The following MSI2 variants were observed in gnomAD, a reference collection of about 807,000 sequenced individuals.
The protein encoded by MSI2 is musashi RNA binding protein 2.
In MSI2, 17 loss-of-function variants were observed where a neutral mutation model predicts 45.6. That is an observed-to-expected ratio of 0.37 (90% CI 0.26 to 0.56). The LOEUF (loss-of-function observed/expected upper bound fraction) is 0.56, where lower values mean the gene tolerates loss of function less well. MSI2 is among the 20% of genes least tolerant of loss of function. The pLI is 0.77. For missense variants in MSI2, 293 were observed against 444.2 expected (o/e 0.66, Z 3.06); for synonymous variants, 156 against 158.2 (o/e 0.99, Z 0.11).
At chr17:57,566,828 G>C (rs2087744535) in intron 7 of MSI2, among the ~76,000 whole-genome samples, 1 of 152,050 alleles carries the variant, frequency 6.6e-6, no homozygotes, top group Non-Finnish European at 1.5e-5. Context: ...GGCGCACCAA[G>C]GGCCTCGTAC....
chr17:57,691,114 CTATT>C, the MSI2 span, among the ~76,000 whole-genome samples: 3 of 152,074 alleles, frequency 2.0e-5, no homozygotes, highest in African/African-American at 4.8e-5. Flanking sequence ...AATCAGTTGA[CTATT>C]TGTGTGGGTC....
chr17:57,631,986 C>A, intron 10 of MSI2: 1 of 1,432,132 alleles, frequency 7.0e-7, no homozygotes, highest in Non-Finnish European at 9.1e-7. Context: ...ATTTTTAATT[C>A]TTGGACTCAT....
intron 6 of MSI2, among the ~76,000 whole-genome samples, chr17:57,526,298 A>G (rs545288033): frequency 6.6e-6 from 1 of 150,528 alleles, no homozygotes; most frequent in Non-Finnish European, 1.5e-5. Flanking sequence ...AGCATCTTGA[A>G]TGAGGCCTGG....
At chr17:57,594,479 AC>A (rs1375951221) in intron 7 of MSI2, among the ~76,000 whole-genome samples, 3 of 152,194 alleles carry the variant, frequency 2.0e-5, no homozygotes, top group African/African-American at 7.2e-5. Flanking sequence ...CCCTCAGGAA[AC>A]TGAAAGTGCT....
chr17:57,571,937 A>G (rs2087889352), intron 7 of MSI2, among the ~76,000 whole-genome samples: 1 of 152,014 alleles, frequency 6.6e-6, no homozygotes, highest in African/African-American at 2.4e-5. Context: ...TGTCCTCTCA[A>G]TCCCACCTAC....
chr17:57,417,357 G>A (rs1376369590), intron 6 of MSI2, among the ~76,000 whole-genome samples: 1 of 152,166 alleles, frequency 6.6e-6, no homozygotes, highest in Non-Finnish European at 1.5e-5. Flanking sequence ...ACCACATGGA[G>A]AGGGCTCACT....
chr17:57,256,716 G>T lies in MSI2; in HGVS notation c.-27G>T. 2 of 713,900 alleles carry T rather than the reference G, an allele frequency of 2.8e-6. No individual in the cohort carries two copies. The highest frequency in any genetic ancestry group is 3.9e-6 in the Non-Finnish European group (2 of 511,476). The allele number at this position is 713,900 out of a possible 1,614,324, so 44.2% of individuals were successfully genotyped here. The stretch of plus-strand genomic sequence containing the variant: ...GATCGCTGTGGGGCTTGGTTTTTTG[G>T]GGGTGGGGGGGCGGGGGGGCTCAGA... On this transcript the variant is annotated 5_prime_UTR_variant, in exon 1 of 14. Transcript: ENST00000284073.
intron 5 of MSI2, among the ~76,000 whole-genome samples, chr17:57,389,353 T>C (rs572455959): frequency 1.5e-4 from 23 of 152,322 alleles, no homozygotes; most frequent in African/African-American, 4.8e-4. Flanking sequence ...AGCCTTCCCG[T>C]TGGGCCTGGC....
rs1470127901 is a variant in MSI2, at chr17:57,682,796, G to A, written c.*3279G>A. The A allele has an allele frequency of 1.8e-5, 4 of 223,822 alleles. No homozygotes were observed. The highest frequency in any genetic ancestry group is 6.7e-5 in the African/African-American group (3 of 44,752). The allele number at this position is 223,822 out of a possible 1,614,324, so 13.9% of individuals were successfully genotyped here. ...TCCCCGGAATTATCAAACAGCCACC[G>A]GGTGACTTTCTGGCTTCCAGATCCA... On this transcript the variant is annotated 3_prime_UTR_variant, in exon 14 of 14. Coordinates refer to ENST00000284073, the MANE Select transcript of MSI2 (RefSeq NM_138962.4).
intron 6 of MSI2, among the ~76,000 whole-genome samples, chr17:57,467,301 G>T (rs2085346193): frequency 6.6e-6 from 1 of 152,168 alleles, no homozygotes; most frequent in Non-Finnish European, 1.5e-5. Flanking sequence ...CCTGGGATAT[G>T]GTGCATTCTT....
chr17:57,684,790 C>A, downstream of MSI2: 1 of 152,380 alleles, frequency 6.6e-6, no homozygotes, highest in Non-Finnish European at 1.5e-5. Flanking sequence ...ACCTGCCACC[C>A]TCACCCCTCA....
rs928386914 is a variant in MSI2, at chr17:57,385,121, C to T, written c.313-16258C>T. ...TGAACTATTATGATAAGCTCCTAACCGTTCTTACAGGCTCTATTTTCAACC... is the reference window on the plus strand; with the variant it reads ...TGAACTATTATGATAAGCTCCTAACTGTTCTTACAGGCTCTATTTTCAACC... On this transcript the variant is annotated intron_variant, in intron 5 of 13. Coordinates refer to ENST00000284073, the MANE Select transcript of MSI2 (RefSeq NM_138962.4). 3.3e-5 allele frequency among the ~76,000 whole-genome samples: 5 copies of T among 152,142 alleles called. No homozygotes were observed. In the South Asian group the frequency reaches 6.2e-4, roughly 19 times the overall value.
chr17:57,257,394 A>T (rs926692574), intron 2 of MSI2, 72 bp from the exon 3 acceptor site: 2 of 947,698 alleles, frequency 2.1e-6, no homozygotes, highest in Non-Finnish European at 3.2e-6. Context: ...TTTGTCCTTG[A>T]TCAAAATTTG....
At chr17:57,430,196 A>C (rs2084569542) in intron 6 of MSI2, among the ~76,000 whole-genome samples, 2 of 152,248 alleles carry the variant, frequency 1.3e-5, no homozygotes, top group Non-Finnish European at 2.9e-5. Context: ...TAGCCACCGA[A>C]GAAAACTCAC....
intron 6 of MSI2, among the ~76,000 whole-genome samples, chr17:57,528,779 T>C (rs1194756238): frequency 6.6e-6 from 1 of 152,218 alleles, no homozygotes; most frequent in Non-Finnish European, 1.5e-5. Context: ...TGATCTCATT[T>C]TAAATTAATT....
chr17:57,366,299 T>G (rs911182564), intron 5 of MSI2, among the ~76,000 whole-genome samples: 1 of 152,134 alleles, frequency 6.6e-6, no homozygotes, highest in African/African-American at 2.4e-5. Flanking sequence ...AGACCACCGG[T>G]GGGGTGGGTT....
chr17:57,409,162 A>G (rs1408311024), intron 6 of MSI2, among the ~76,000 whole-genome samples: 1 of 152,240 alleles, frequency 6.6e-6, no homozygotes, highest in Non-Finnish European at 1.5e-5. Flanking sequence ...AATATGCAGG[A>G]AGAGGCAAAA....
intron 6 of MSI2, among the ~76,000 whole-genome samples, chr17:57,477,967 C>T (rs2085573474): frequency 6.6e-6 from 1 of 152,230 alleles, no homozygotes; most frequent in South Asian, 2.1e-4. Flanking sequence ...CACAGCTATT[C>T]TCTCTTCTCC....
At chr17:57,648,309 C>G (rs747522898) in intron 10 of MSI2, among the ~76,000 whole-genome samples, 3 of 152,164 alleles carry the variant, frequency 2.0e-5, no homozygotes, top group African/African-American at 7.2e-5. Flanking sequence ...TGGCCTAGCT[C>G]TCACTAATTA....
Sources: allele counts gnomAD v4.1 joint callset (sites outside exome capture counted in the v4.1 genomes callset), GRCh38; gene constraint gnomAD v4.1.1; transcripts MANE v1.5; gene names NCBI Gene and HGNC (gene_info 2026-07-23, HGNC 2026-07-21).